The following KDM5B variants were observed in gnomAD, a reference collection of about 807,000 sequenced individuals.
The protein encoded by KDM5B is lysine-specific demethylase 5B.
Under a neutral mutation model 193.4 loss-of-function variants are expected in KDM5B, and 144 were observed. The observed-to-expected ratio is 0.74, with a 90% CI of 0.65 to 0.86. KDM5B has a LOEUF of 0.86. Among genes scored for constraint, KDM5B ranks in the 40% least tolerant of loss-of-function variants. The probability of loss-of-function intolerance (pLI) is 0.00; values close to 1 mark genes in which losing one functional copy is unlikely to be tolerated. For missense variants in KDM5B, 1,833 were observed against 1,886.9 expected (o/e 0.97, Z 0.53); for synonymous variants, 668 against 682.6 (o/e 0.98, Z 0.33).
chr1:202,758,716 A>G (rs1430482461), intron 8 of KDM5B, among the ~76,000 whole-genome samples: 2 of 152,246 alleles, frequency 1.3e-5, no homozygotes, highest in Non-Finnish European at 2.9e-5. Flanking sequence ...GCTAATGAGC[A>G]AATAAAATGT....
chr1:202,774,282 T>G (rs915834181), intron 3 of KDM5B, among the ~76,000 whole-genome samples: 8 of 152,170 alleles, frequency 5.3e-5, no homozygotes, highest in Non-Finnish European at 1.2e-4. Context: ...TCTCGCTCAG[T>G]TACCCAGGCT....
At position 202,769,740 on chromosome 1, in the gene KDM5B, TTC is replaced by T. The variant is rs1223910018; in HGVS notation, c.577-2682_577-2681del. Reference sequence around the variant, plus strand: ...ACCCAACAATTGAGAGAAAAAAATATTCTGTTTTTTGAAAAAATTTGTATAGA... The same window carrying T: ...ACCCAACAATTGAGAGAAAAAAATATTGTTTTTTGAAAAAATTTGTATAGA... On this transcript the variant is annotated intron_variant, in intron 4 of 26. Coordinates refer to ENST00000367265, the MANE Select transcript of KDM5B (RefSeq NM_006618.5). Among the ~76,000 whole-genome samples, 7 of 150,734 alleles carry T rather than the reference TTC, an allele frequency of 4.6e-5. No homozygotes were observed. In the East Asian group the frequency reaches 9.7e-4, roughly 21 times the overall value.
At chr1:202,741,018 C>G (rs902802428) in intron 19 of KDM5B, among the ~76,000 whole-genome samples, 6 of 152,110 alleles carry the variant, frequency 3.9e-5, no homozygotes, top group African/African-American at 1.4e-4. Flanking sequence ...CTTTAAGACT[C>G]CTTGGAACCG....
At chr1:202,772,694 CTTTT>C (rs796278655) in intron 4 of KDM5B, among the ~76,000 whole-genome samples, 2 of 145,520 alleles carry the variant, frequency 1.4e-5, no homozygotes, top group African/African-American at 2.5e-5. Context: ...AAAACAAGGT[CTTTT>C]TTTTTTTTTC....
At position 202,740,398 on chromosome 1, in the gene KDM5B, G is replaced by T. The variant is rs547028426; in HGVS notation, c.3084+276C>A. On this transcript the variant is annotated intron_variant, in intron 20 of 26. Transcript: ENST00000367265. ...TCCCTCCCGGACAGGGCAGCCGGCC[G>T]GGTGGGGGTCTGACCCCCCCACCTC... Among the ~76,000 whole-genome samples the T allele has an allele frequency of 1.4e-4, 17 of 122,842 alleles. 3 individuals are homozygous for T. The South Asian group carries it at 4.4e-3, about 32-fold the overall frequency. The allele number at this position is 122,842 out of a possible 152,430, so 80.6% of individuals were successfully genotyped here.
intron 1 of KDM5B, among the ~76,000 whole-genome samples, chr1:202,783,577 C>G (rs1361094934): frequency 2.6e-5 from 4 of 152,048 alleles, no homozygotes; most frequent in Admixed American, 6.6e-5. Flanking sequence ...GTACAAGAAC[C>G]TTATTATTTA....
rs878995023 is a variant in KDM5B, at chr1:202,741,452, C to T, written c.2860G>A (p.Val954Met). The part of the protein sequence containing the change: ...LGVGLAPYSA[V>M]EKAMARLQEL... ...TGCAGCCGGGCCATAGCTTTCTCCA[C>T]TGCTGAATACGGGGCCAGCCCTACC... Residue 954 changes from valine to methionine, a missense_variant, in exon 19 of 27, where the codon GTG becomes ATG. Around this residue, in one of 3 missense-constraint regions of KDM5B, gnomAD observed 1,379 missense variants for 1,349.6 expected, o/e 1.02. Transcript: ENST00000367265. 1.5e-5 allele frequency: 24 copies of T among 1,612,622 alleles called. No individual in the cohort carries two copies. The Admixed American group carries it at 4.0e-4, about 27-fold the overall frequency.
chr1:202,731,576 G>C (rs1161569597), intron 24 of KDM5B, among the ~76,000 whole-genome samples: 2 of 152,190 alleles, frequency 1.3e-5, no homozygotes, highest in African/African-American at 4.8e-5. Flanking sequence ...TAAAAGCTTG[G>C]TGTTTATCAG....
chr1:202,774,006 G>A (rs939694217), intron 3 of KDM5B, among the ~76,000 whole-genome samples: 9 of 152,020 alleles, frequency 5.9e-5, no homozygotes, highest in Admixed American at 4.6e-4. Flanking sequence ...CAAAATGCTG[G>A]GATTACAGGC....
At chr1:202,779,908 T>G (rs1320970258) in intron 1 of KDM5B, among the ~76,000 whole-genome samples, 1 of 151,942 alleles carries the variant, frequency 6.6e-6, no homozygotes, top group South Asian at 2.1e-4. Flanking sequence ...ACATTAGGAA[T>G]GTACGATTAT....
intron 1 of KDM5B, 99 bp from the exon 2 acceptor site, chr1:202,777,193 T>C (rs1656991658): frequency 2.2e-6 from 2 of 900,534 alleles, no homozygotes; most frequent in South Asian, 1.4e-5. Context: ...AATCTTATTC[T>C]AACCAATCAA....
intron 1 of KDM5B, among the ~76,000 whole-genome samples, chr1:202,801,025 T>G (rs747146869): frequency 1.3e-4 from 20 of 152,198 alleles, no homozygotes; most frequent in Non-Finnish European, 7.3e-5. Context: ...ATAACCTGAA[T>G]AGGACAAAAG....
chr1:202,735,864 T>C (rs1655073596), intron 21 of KDM5B, among the ~76,000 whole-genome samples: 1 of 152,086 alleles, frequency 6.6e-6, no homozygotes, highest in African/African-American at 2.4e-5. Flanking sequence ...TTACAGAAAA[T>C]ACAAAAAGTG....
chr1:202,808,369 C>A lies in KDM5B; in HGVS notation c.-64G>T, dbSNP rs1038180645. On this transcript the variant is annotated 5_prime_UTR_variant, in exon 1 of 27. Transcript: ENST00000367265. ...CGGGACCGAGGCTGCGAGCTCCGCT[C>A]GGTCCGAGACCCGTGCAGACGCGGC... 28 of 1,430,660 alleles carry A rather than the reference C, an allele frequency of 2.0e-5. No individual in the cohort carries two copies. The highest frequency in any genetic ancestry group is 2.5e-5 in the Non-Finnish European group (27 of 1,075,458). 88.6% of individuals were successfully genotyped at this position (1,430,660 alleles called of 1,614,324 possible).
chr1:202,798,811 CAGG>C (rs1463789437), intron 1 of KDM5B, among the ~76,000 whole-genome samples: 7 of 151,974 alleles, frequency 4.6e-5, no homozygotes, highest in Non-Finnish European at 8.8e-5. Flanking sequence ...GGCTTAAGGC[CAGG>C]AGTTCGAACC....
rs1426227748 is a variant in KDM5B, at chr1:202,808,129, A to G, written c.177T>C (p.Thr59=). 6.2e-7 allele frequency: 1 copy of G among 1,612,142 alleles called. No homozygotes were observed. The highest frequency in any genetic ancestry group is 8.5e-7 in the Non-Finnish European group (1 of 1,179,284). ...GCGGCGGCCGCACCTTACAGATGCC[A>G]GTCTGCTCGGCTATGGGCCGGATCT... ...IHKIRPIAEQ[T]GICKVRPPPD... is the part of the protein sequence containing the mutation. The change falls in exon 1 of 27, where the codon ACT becomes ACC. Residue 59 remains threonine (T), a synonymous_variant. Transcript: ENST00000367265.
intron 7 of KDM5B, among the ~76,000 whole-genome samples, 189 bp downstream of exon 7, chr1:202,762,510 A>G (rs961665635): frequency 1.3e-5 from 2 of 152,226 alleles, no homozygotes; most frequent in Non-Finnish European, 2.9e-5. Context: ...TAGTATGATC[A>G]TGTATTTCCT....
intron 1 of KDM5B, among the ~76,000 whole-genome samples, chr1:202,799,998 T>C (rs1384984575): frequency 6.6e-6 from 1 of 152,240 alleles, no homozygotes; most frequent in Middle Eastern, 3.2e-3. Flanking sequence ...CATCAGACTC[T>C]TCAAATTCTC....
In KDM5B at chr1:202,742,750, G is replaced by T. The variant is rs765825266; in HGVS notation, c.2379C>A (p.Asp793Glu). ...GGCGAAGGTGTCGCAAAAGATCATT[G>T]TCTGGGAATTTCTTCATTTCAGATT... ...IEESEMKKFP[D>E]NDLLRHLRLV... Residue 793 changes from aspartate (D) to glutamate (E), a missense_variant, in exon 17 of 27, where the codon GAC becomes GAA. By Grantham distance (45) the Asp-to-Glu change is conservative (BLOSUM62 2). Transcript: ENST00000367265. 17 of 1,614,116 alleles carry T rather than the reference G, an allele frequency of 1.1e-5. No homozygotes were observed. In the Admixed American group the frequency reaches 2.8e-4, roughly 27 times the overall value.
Sources: gnomAD v4.1 joint callset for allele counts (sites outside exome capture counted in the v4.1 genomes callset) on GRCh38, gnomAD v4.1.1 for gene constraint, gnomAD v4.1.1 regional missense constraint, MANE v1.5 for transcripts, NCBI Gene and HGNC (gene_info 2026-07-23, HGNC 2026-07-21) for gene names.